NUP153: variants seen among roughly 807,000 people sequenced by gnomAD.
NUP153 encodes the protein nuclear pore complex protein Nup153.
Under a neutral mutation model 134.6 loss-of-function variants are expected in NUP153, and 27 were observed. The observed-to-expected ratio is 0.20, with a 90% confidence interval of 0.15 to 0.28. The LOEUF is 0.28. Among genes scored for constraint, NUP153 ranks in the 10% least tolerant of loss-of-function variants. NUP153 has a pLI of 1.00. For missense variants in NUP153, 1,821 were observed against 1,731.3 expected (o/e 1.05, Z -0.92); for synonymous variants, 640 against 623.5 (o/e 1.03, Z -0.40).
chr6:17,678,572 T>C (rs1274018582), intron 2 of NUP153, among the ~76,000 whole-genome samples: 1 of 152,176 alleles, frequency 6.6e-6, no homozygotes, highest in Non-Finnish European at 1.5e-5. Flanking sequence ...ATTAATGCTC[T>C]CCTCAGTAAG....
intron 15 of NUP153, 133 bp from the exon 16 acceptor site, chr6:17,637,903 TTG>T (rs1765643783): frequency 1.4e-5 from 14 of 991,528 alleles, no homozygotes; most frequent in Admixed American, 3.0e-5. Context: ...TACTTAAGAA[TTG>T]TTTTTCACTT....
intron 8 of NUP153, 116 bp downstream of exon 8, chr6:17,668,859 T>A: frequency 3.0e-6 from 2 of 676,764 alleles, no homozygotes; most frequent in African/African-American, 1.9e-5. Context: ...AAAAAGAATA[T>A]TATTTTTCAA....
intron 20 of NUP153, among the ~76,000 whole-genome samples, chr6:17,616,993 G>A (rs1416014611): frequency 6.6e-6 from 1 of 152,150 alleles, no homozygotes; most frequent in Non-Finnish European, 1.5e-5. Context: ...CTTGTGATCT[G>A]TCCACCTCGG....
At chr6:17,676,964 T>C (rs368386844) in intron 2 of NUP153, among the ~76,000 whole-genome samples, 1 of 152,094 alleles carries the variant, frequency 6.6e-6, no homozygotes, top group African/African-American at 2.4e-5. Context: ...TACTAGACAG[T>C]GTACCGTGCT....
Position 17,680,925 on chromosome 6 carries a change from G to C in NUP153, c.335-5155C>G, listed in dbSNP as rs998911584. Among the ~76,000 whole-genome samples the C allele has an allele frequency of 1.3e-5, 2 of 151,966 alleles. No homozygotes were observed. The highest frequency in any genetic ancestry group is 4.8e-5 in the African/African-American group (2 of 41,362). On this transcript the variant is annotated intron_variant, in intron 2 of 21. Coordinates refer to ENST00000262077, the MANE Select transcript of NUP153 (RefSeq NM_005124.4). This position sits in a 1 kb window ranked among gnomAD's most constrained non-coding sequence, Gnocchi z 4.5. ...ATATGATCCAACAATCCCACTGCTG[G>C]GTATATATCCAAGTTAAAGGAAACT... is the stretch of plus-strand genomic sequence containing the variant.
chr6:17,691,213 G>T (rs762592934), intron 1 of NUP153, among the ~76,000 whole-genome samples: 48 of 152,116 alleles, frequency 3.2e-4, no homozygotes, highest in Non-Finnish European at 6.2e-4. Context: ...CATGTATTGT[G>T]CAAATTTTCA....
At chr6:17,685,739 T>C (rs1768885503) in intron 2 of NUP153, among the ~76,000 whole-genome samples, 1 of 152,088 alleles carries the variant, frequency 6.6e-6, no homozygotes, top group South Asian at 2.1e-4. Flanking sequence ...AGCAAATACA[T>C]TTATGTACTC....
At chr6:17,651,483 G>T (rs1262474577) in intron 11 of NUP153, among the ~76,000 whole-genome samples, 1 of 152,042 alleles carries the variant, frequency 6.6e-6, no homozygotes, top group Non-Finnish European at 1.5e-5. Flanking sequence ...TGGATTTGGT[G>T]TTCCAATTAA....
chr6:17,681,048 A>C (rs1201013544), intron 2 of NUP153, among the ~76,000 whole-genome samples: 1 of 152,060 alleles, frequency 6.6e-6, no homozygotes, highest in Non-Finnish European at 1.5e-5. Flanking sequence ...TGGACAAAGA[A>C]ACTGTGCTAC....
Position 17,658,515 on chromosome 6 carries a change from G to C in NUP153, c.1395+3138C>G, listed in dbSNP as rs149490078. Among the ~76,000 whole-genome samples, 15 of 152,304 alleles carry C rather than the reference G, an allele frequency of 9.8e-5. No individual in the cohort carries two copies. The East Asian group carries it at 1.7e-3, about 18-fold the overall frequency. ...TGAGAAGCATAATGGCCAGCCACTG[G>C]AAGTTGACAATAACCAGTCACTGGA... On this transcript the variant is annotated intron_variant, in intron 11 of 21. Transcript: ENST00000262077.
chr6:17,626,606 C>T (rs963755883), intron 18 of NUP153, among the ~76,000 whole-genome samples: 3 of 152,168 alleles, frequency 2.0e-5, no homozygotes, highest in Non-Finnish European at 2.9e-5. Flanking sequence ...AGCCTTTGTG[C>T]ACTAATTTGC....
chr6:17,682,978 A>C (rs1256023102), intron 2 of NUP153, among the ~76,000 whole-genome samples: 1 of 151,630 alleles, frequency 6.6e-6, no homozygotes, highest in Non-Finnish European at 1.5e-5. Context: ...GCAACTCCTT[A>C]TCCATTCGAG....
intron 20 of NUP153, among the ~76,000 whole-genome samples, chr6:17,623,229 A>G (rs1764740449): frequency 6.6e-6 from 1 of 152,054 alleles, no homozygotes; most frequent in African/African-American, 2.4e-5. Context: ...AATCCTGATC[A>G]AAATGGTTAA....
At chr6:17,705,370 G>A (rs772622561) in intron 1 of NUP153, among the ~76,000 whole-genome samples, 4 of 152,028 alleles carry the variant, frequency 2.6e-5, no homozygotes, top group Non-Finnish European at 5.9e-5. Flanking sequence ...TTACAATTAG[G>A]ATAATCCTTT....
chr6:17,632,288 A>C (rs567708798), intron 17 of NUP153, among the ~76,000 whole-genome samples: 1 of 151,932 alleles, frequency 6.6e-6, no homozygotes, highest in African/African-American at 2.4e-5. Flanking sequence ...GCAAAAGAAC[A>C]AAACTGTCTC....
At chr6:17,616,786 CT>C (rs1561846826) in intron 20 of NUP153, 91 bp from the exon 21 acceptor site, 1 of 1,248,528 alleles carries the variant, frequency 8.0e-7, no homozygotes, top group African/African-American at 1.5e-5. Flanking sequence ...GTCTCGCTCT[CT>C]TGCCCAGGCT....
In NUP153 at chr6:17,686,707, T is replaced by C. The variant is rs143139766; in HGVS notation, c.334+1689A>G. On this transcript the variant is annotated intron_variant, in intron 2 of 21. Transcript: ENST00000262077. ...AAGTTAAGAAAAAAAAACAGTACTATAGAAAAAAAAAATTTTTTAAGTTTT... is the reference window on the plus strand; with the variant it reads ...AAGTTAAGAAAAAAAAACAGTACTACAGAAAAAAAAAATTTTTTAAGTTTT... 1.2e-3 allele frequency among the ~76,000 whole-genome samples: 175 copies of C among 151,594 alleles called. 1 individual carries two copies. Among genetic ancestry groups the C allele is most frequent in the African/African-American group, 4.0e-3 (166 of 41,360 alleles).
rs1554148666 is a variant in NUP153, at chr6:17,701,844, G to GT, written c.111+4432_111+4433insA. On this transcript the variant is annotated intron_variant, in intron 1 of 21. Coordinates refer to ENST00000262077, the MANE Select transcript of NUP153 (RefSeq NM_005124.4). Reference sequence around the variant, plus strand: ...CAAGACTCTGTCTCGGGGGGGGGGGGAAAAAAGCTAAATGCAGGAACTGAC... The same window carrying GT: ...CAAGACTCTGTCTCGGGGGGGGGGGGTAAAAAAGCTAAATGCAGGAACTGAC... Among the ~76,000 whole-genome samples the GT allele has an allele frequency of 8.6e-5, 7 of 81,706 alleles. 1 individual carries two copies. The highest frequency in any genetic ancestry group is 1.3e-4 in the Non-Finnish European group (5 of 38,122). The allele number at this position is 81,706 out of a possible 152,430, so 53.6% of individuals were successfully genotyped here.
chr6:17,667,275 T>C (rs1316090478), intron 8 of NUP153, among the ~76,000 whole-genome samples: 1 of 152,206 alleles, frequency 6.6e-6, no homozygotes, highest in Non-Finnish European at 1.5e-5. Context: ...ACTCTTCCAA[T>C]AAAAAGTTCA....
Sources: allele counts gnomAD v4.1 joint callset (sites outside exome capture counted in the v4.1 genomes callset), GRCh38; gene constraint gnomAD v4.1.1; non-coding constraint Gnocchi (gnomAD v3.1); transcripts MANE v1.5; gene names NCBI Gene and HGNC (gene_info 2026-07-23, HGNC 2026-07-21).